The following ZNF804B variants were observed in gnomAD, a reference collection of about 807,000 sequenced individuals.
ZNF804B encodes the protein zinc finger 804B.
In ZNF804B, 80 loss-of-function variants were observed where a neutral mutation model predicts 101.4. That is an observed-to-expected ratio of 0.79 (90% CI 0.66 to 0.95). The LOEUF is 0.95. Ranked by LOEUF, ZNF804B falls within the 40% of genes least tolerant of loss-of-function variation. ZNF804B has a pLI of 0.00. For synonymous variants in ZNF804B, 622 were observed against 558.8 expected, an observed-to-expected ratio of 1.11 and a Z score of -1.59; for missense variants, 1,673 against 1,561.9, an observed-to-expected ratio of 1.07 and a Z score of -1.20.
At chr7:88,858,693 T>C (rs1429504251) in intron 1 of ZNF804B, among the ~76,000 whole-genome samples, 2 of 152,174 alleles carry the variant, frequency 1.3e-5, no homozygotes, top group Non-Finnish European at 1.5e-5. Flanking sequence ...ATGAATTATA[T>C]TTATAGTAAT....
chr7:89,206,246 C>T (rs1788712478), intron 1 of ZNF804B, among the ~76,000 whole-genome samples: 1 of 151,550 alleles, frequency 6.6e-6, no homozygotes, highest in Admixed American at 6.6e-5. Context: ...AGGTATCTGA[C>T]ATGCCCTGGA....
intron 1 of ZNF804B, among the ~76,000 whole-genome samples, chr7:88,869,158 C>G (rs1049106518): frequency 6.6e-6 from 1 of 152,088 alleles, no homozygotes; most frequent in Non-Finnish European, 1.5e-5. Context: ...CTTAGTAATA[C>G]AGTAATTCTT....
At chr7:89,182,781 C>G (rs1006406280) in intron 1 of ZNF804B, among the ~76,000 whole-genome samples, 1 of 152,140 alleles carries the variant, frequency 6.6e-6, no homozygotes, top group African/African-American at 2.4e-5. Context: ...CGCCAATCAT[C>G]TGCTTCTGCA....
intron 1 of ZNF804B, among the ~76,000 whole-genome samples, chr7:88,808,412 A>G (rs540808751): frequency 2.0e-4 from 31 of 151,898 alleles, no homozygotes; most frequent in African/African-American, 7.0e-4. Flanking sequence ...AAACCAGGAA[A>G]GTAGTCTGGA....
Position 88,764,913 on chromosome 7 carries a change from T to C in ZNF804B, c.108+4829T>C, listed in dbSNP as rs373851021. Among the ~76,000 whole-genome samples the C allele has an allele frequency of 9.2e-5, 14 of 152,276 alleles. No individual in the cohort carries two copies. In the East Asian group the frequency reaches 1.5e-3, roughly 17 times the overall value. On this transcript the variant is annotated intron_variant, in intron 1 of 3. Transcript: ENST00000333190. Reference sequence around the variant, plus strand: ...TCAGACGTTTTCAATAAAGACGACTTAGTTACAATTCTTATAATACATGTT... The same window carrying C: ...TCAGACGTTTTCAATAAAGACGACTCAGTTACAATTCTTATAATACATGTT...
At chr7:89,065,581 A>C (rs1323903369) in intron 1 of ZNF804B, among the ~76,000 whole-genome samples, 2 of 152,116 alleles carry the variant, frequency 1.3e-5, no homozygotes, top group African/African-American at 4.8e-5. Context: ...ACAAATTCCC[A>C]CAACACACAG....
At chr7:89,302,238 T>G (rs371278089) in intron 2 of ZNF804B, among the ~76,000 whole-genome samples, 2 of 151,984 alleles carry the variant, frequency 1.3e-5, no homozygotes, top group East Asian at 1.9e-4. Flanking sequence ...AGATAAAGAT[T>G]TATACCCTCC....
At chr7:89,128,126 G>A (rs1177154826) in intron 1 of ZNF804B, among the ~76,000 whole-genome samples, 1 of 151,492 alleles carries the variant, frequency 6.6e-6, no homozygotes, top group East Asian at 1.9e-4. Flanking sequence ...TTCCTTTTGG[G>A]CGTTTGAATG....
intron 1 of ZNF804B, among the ~76,000 whole-genome samples, chr7:89,033,052 A>G (rs1233685293): frequency 6.6e-6 from 1 of 151,082 alleles, no homozygotes; most frequent in African/African-American, 2.4e-5. Flanking sequence ...AAAAAAAAAA[A>G]CCGTATCCCT....
chr7:88,765,732 C>A (rs1789972202), intron 1 of ZNF804B, among the ~76,000 whole-genome samples: 1 of 152,030 alleles, frequency 6.6e-6, no homozygotes, highest in South Asian at 2.1e-4. Flanking sequence ...AAAATGACAG[C>A]TGAAAAAGCC....
chr7:88,868,326 G>A (rs1791768056), intron 1 of ZNF804B, among the ~76,000 whole-genome samples: 2 of 152,026 alleles, frequency 1.3e-5, no homozygotes, highest in South Asian at 4.1e-4. Context: ...ACTGGGCTAT[G>A]TATATCCATT....
At chr7:89,079,312 TA>T (rs1789660442) in intron 1 of ZNF804B, among the ~76,000 whole-genome samples, 1 of 152,090 alleles carries the variant, frequency 6.6e-6, no homozygotes, top group South Asian at 2.1e-4. Flanking sequence ...AAATGTTTTT[TA>T]TTTTGACATT....
At chr7:88,761,898 C>G (rs1357363770) in intron 1 of ZNF804B, among the ~76,000 whole-genome samples, 2 of 152,162 alleles carry the variant, frequency 1.3e-5, no homozygotes, top group Non-Finnish European at 2.9e-5. Flanking sequence ...CCACTTTGGT[C>G]AGTCATCTCC....
intron 1 of ZNF804B, among the ~76,000 whole-genome samples, chr7:88,860,510 C>G (rs543160671): frequency 6.6e-6 from 1 of 152,144 alleles, no homozygotes; most frequent in South Asian, 2.1e-4. Context: ...TCTTCATATT[C>G]ACAAATAAAT....
chr7:89,044,271 A>G (rs887812185), intron 1 of ZNF804B, among the ~76,000 whole-genome samples: 1 of 152,168 alleles, frequency 6.6e-6, no homozygotes, highest in Non-Finnish European at 1.5e-5. Context: ...CCCTTTCGCC[A>G]TGATTGTAAG....
intron 1 of ZNF804B, among the ~76,000 whole-genome samples, chr7:89,205,391 T>C (rs956079834): frequency 2.0e-5 from 3 of 152,162 alleles, no homozygotes; most frequent in African/African-American, 7.2e-5. Context: ...CAAAGTCTCA[T>C]CTGAGAAAAG....
rs200101188 is a variant in ZNF804B, at chr7:89,079,676, A to G, written c.109-138479A>G. On this transcript the variant is annotated intron_variant, in intron 1 of 3. Transcript: ENST00000333190. ...TGTAAGTCAAAAAACAAAAACAAAAACAACATAGGAGACAAGAACTAATAT... is the reference window on the plus strand; with the variant it reads ...TGTAAGTCAAAAAACAAAAACAAAAGCAACATAGGAGACAAGAACTAATAT... 2.6e-5 allele frequency among the ~76,000 whole-genome samples: 4 copies of G among 152,144 alleles called. No individual in the cohort carries two copies. The East Asian group carries it at 7.7e-4, about 29-fold the overall frequency.
chr7:89,041,659 G>T (rs1409218461), intron 1 of ZNF804B, among the ~76,000 whole-genome samples: 1 of 152,214 alleles, frequency 6.6e-6, no homozygotes, highest in Non-Finnish European at 1.5e-5. Flanking sequence ...GTCGAAGTTT[G>T]TGGTAACATC....
chr7:88,886,934 A>G (rs1236939214), intron 1 of ZNF804B, among the ~76,000 whole-genome samples: 1 of 151,434 alleles, frequency 6.6e-6, no homozygotes, highest in Non-Finnish European at 1.5e-5. Flanking sequence ...AAAAACATAA[A>G]TTCTCTAATA....
Sources: allele counts gnomAD v4.1 joint callset (sites outside exome capture counted in the v4.1 genomes callset), GRCh38; gene constraint gnomAD v4.1.1; transcripts MANE v1.5; gene names NCBI Gene and HGNC (gene_info 2026-07-23, HGNC 2026-07-21).